CALCOCO1: variants seen among roughly 807,000 people sequenced by gnomAD.
CALCOCO1 encodes the protein calcium binding and coiled-coil domain 1, also known as calcium-binding and coiled-coil domain-containing protein 1.
Under a neutral mutation model 86.3 loss-of-function variants are expected in CALCOCO1, and 44 were observed. The ratio of observed to expected loss-of-function variants is 0.51; its 90% confidence interval spans 0.40 to 0.66. The LOEUF (loss-of-function observed/expected upper bound fraction) is 0.66. Ranked by LOEUF, CALCOCO1 falls within the 30% of genes least tolerant of loss-of-function variation. The pLI is 0.00. For synonymous variants in CALCOCO1, 297 were observed against 327.6 expected, an observed-to-expected ratio of 0.91 and a Z score of 1.01; for missense variants, 708 against 851.1, an observed-to-expected ratio of 0.83 and a Z score of 2.09.
rs1249711707 is a variant in CALCOCO1 at position 53,724,704 on chromosome 12, G to A, written c.200C>T (p.Ser67Phe). 6.2e-7 allele frequency: 1 copy of A among 1,613,988 alleles called. No individual in the cohort carries two copies. Among genetic ancestry groups the A allele is most frequent in the Admixed American group, 1.7e-5 (1 of 60,004 alleles). ...CVRDYHTFVW[S>F]SVPESTTDGS... ...ATCAGTTGTACTTTCAGGCACGGAA[G>A]ACCACACAAATGTGTGGTAATCCCG... The change falls in exon 3 of 15, where the codon TCT becomes TTT. Residue 67 changes from serine (S) to phenylalanine (F), a missense_variant. By Grantham distance (155) the Ser-to-Phe change is radical. Coordinates refer to ENST00000550804, the MANE Select transcript of CALCOCO1 (RefSeq NM_020898.3).
intron 3 of CALCOCO1, chr12:53,724,396 T>C: frequency 2.1e-6 from 1 of 484,334 alleles, no homozygotes; most frequent in Non-Finnish European, 3.8e-6. Flanking sequence ...TCCCCCATTT[T>C]TCCTTCTTTG....
chr12:53,714,484 G>A (rs541148352), intron 11 of CALCOCO1, 114 bp downstream of exon 11: 62 of 788,822 alleles, frequency 7.9e-5, no homozygotes, highest in African/African-American at 4.3e-4. Flanking sequence ...GCCAGGGTAC[G>A]GGCCCTCTTG....
At position 53,710,966 on chromosome 12, in the gene CALCOCO1, G is replaced by A. The variant is rs930674627; in HGVS notation, c.*978C>T. On this transcript the variant is annotated 3_prime_UTR_variant, in exon 15 of 15. Coordinates refer to ENST00000550804, the MANE Select transcript of CALCOCO1 (RefSeq NM_020898.3). ...TCATGGCCAGCACACCAGGAGGCAC[G>A]ACAGGACAGTAACTGCCCAGCATCC... 19 of 310,818 alleles carry A rather than the reference G, an allele frequency of 6.1e-5. No homozygotes were observed. The highest frequency in any genetic ancestry group is 2.6e-4 in the East Asian group (5 of 19,500). 19.3% of individuals were successfully genotyped at this position (310,818 alleles called of 1,614,324 possible).
rs1370275134 is a variant in CALCOCO1 at position 53,724,752 on chromosome 12, G to A, written c.157-5C>T. On this transcript the variant is annotated splice_polypyrimidine_tract_variant and splice_region_variant and intron_variant, in intron 2 of 14. Coordinates refer to ENST00000550804, the MANE Select transcript of CALCOCO1 (RefSeq NM_020898.3). ...CCGAACACAGGCAGCCTCCACCTGT[G>A]AAAGCCCAAGGTTGGAGAAAGGTAT... 3.7e-6 allele frequency: 6 copies of A among 1,608,774 alleles called. No homozygotes were observed. The South Asian group carries it at 6.7e-5, about 18-fold the overall frequency.
intron 9 of CALCOCO1, among the ~76,000 whole-genome samples, 197 bp from the exon 10 acceptor site, chr12:53,715,522 G>T (rs1945701335): frequency 6.6e-6 from 1 of 152,166 alleles, no homozygotes; most frequent in South Asian, 2.1e-4. Context: ...GCTTGATCAG[G>T]AATGGGCATT....
At position 53,722,024 on chromosome 12, in the gene CALCOCO1, C is replaced by T; in HGVS notation, c.609+1G>A. ...TGTCCCCTACCTGGCCCAGCTCCCA[C>T]CTTGTACTGTTCCATCAGCTCCGTG... is the stretch of plus-strand genomic sequence containing the variant. On this transcript the variant is annotated splice_donor_variant, in intron 5 of 14. Coordinates refer to ENST00000550804, the MANE Select transcript of CALCOCO1 (RefSeq NM_020898.3). LOFTEE classifies it high-confidence loss of function. The T allele has an allele frequency of 1.2e-6, 2 of 1,612,804 alleles. No individual in the cohort carries two copies. Among genetic ancestry groups the T allele is most frequent in the Non-Finnish European group, 1.7e-6 (2 of 1,180,016 alleles).
At position 53,715,845 on chromosome 12, in the gene CALCOCO1, TC is replaced by T; in HGVS notation, c.1207del (p.Glu403LysfsTer25). 3 of 1,614,096 alleles carry T rather than the reference TC, an allele frequency of 1.9e-6. No homozygotes were observed. The highest frequency in any genetic ancestry group is 2.5e-6 in the Non-Finnish European group (3 of 1,180,026). On this transcript the variant is annotated frameshift_variant, in exon 9 of 15. Coordinates refer to ENST00000550804, the MANE Select transcript of CALCOCO1 (RefSeq NM_020898.3). LOFTEE classifies it high-confidence loss of function. ...CTCCTTGCTCCATTGGCATTTTTCTTCCTTCAAGTGCAAACCGAGCTCAGCC... is the reference window on the plus strand; with the variant it reads ...CTCCTTGCTCCATTGGCATTTTTCTTCTTCAAGTGCAAACCGAGCTCAGCC... Reference protein sequence around the residue: ...RLAELGLHLKEEKCQWSKERA... With the variant: ...RLAELGLHLKXEKCQWSKERA...
chr12:53,722,996 C>CA (rs992800563), intron 4 of CALCOCO1: 3 of 284,214 alleles, frequency 1.1e-5, no homozygotes, highest in South Asian at 2.8e-5. Flanking sequence ...AAAAAACAAA[C>CA]AAAAAAACCC....
At chr12:53,712,636 G>C in intron 14 of CALCOCO1, 3 of 349,270 alleles carry the variant, frequency 8.6e-6, no homozygotes, top group Non-Finnish European at 1.5e-5. Flanking sequence ...CTTCCCTAAG[G>C]GTTACCCAGG....
chr12:53,721,500 T>C lies in CALCOCO1; in HGVS notation c.725A>G (p.Glu242Gly). 1 of 1,612,148 alleles carries C rather than the reference T, an allele frequency of 6.2e-7. No individual in the cohort carries two copies. The highest frequency in any genetic ancestry group is 1.3e-5 in the African/African-American group (1 of 74,888). ...CTCCACTTCCTTCGTCAGCACTTTC[T>C]CACTGATGGTCTGGATGTCATCCTC... ...ELEDDIQTIS[E>G]KVLTKEVELD... Residue 242 changes from glutamate to glycine, a missense_variant, in exon 6 of 15, where the codon GAG (glutamate) becomes GGG (glycine). Transcript: ENST00000550804.
intron 4 of CALCOCO1, among the ~76,000 whole-genome samples, chr12:53,722,567 G>T (rs1042500438): frequency 4.6e-5 from 7 of 152,108 alleles, no homozygotes; most frequent in African/African-American, 1.7e-4. Flanking sequence ...ATTTTTACTA[G>T]CTATGTGATT....
intron 1 of CALCOCO1, among the ~76,000 whole-genome samples, chr12:53,727,155 G>C (rs1208038340): frequency 2.0e-5 from 3 of 152,160 alleles, no homozygotes; most frequent in Non-Finnish European, 4.4e-5. Flanking sequence ...GAAGGGATCA[G>C]CTTTATAGAG....
intron 5 of CALCOCO1, 200 bp downstream of exon 5, chr12:53,721,825 C>T (rs1945876880): frequency 1.3e-6 from 1 of 797,944 alleles, no homozygotes; most frequent in African/African-American, 1.7e-5. Context: ...GTTCAAAGAA[C>T]TGAGTCTCAT....
At position 53,716,259 on chromosome 12, in the gene CALCOCO1, C is replaced by T. The variant is rs1043016769; in HGVS notation, c.1005+1G>A. On this transcript the variant is annotated splice_donor_variant, in intron 8 of 14. Transcript: ENST00000550804. LOFTEE classifies it high-confidence loss of function. ...TCCTGTTGCCAAGGGGCCTCACTCA[C>T]CACCCGCTGCTGGGCCTGGCCTAGG... The T allele has an allele frequency of 2.5e-6, 4 of 1,613,628 alleles. No individual in the cohort carries two copies. Among genetic ancestry groups the T allele is most frequent in the Non-Finnish European group, 3.4e-6 (4 of 1,179,860 alleles).
intron 4 of CALCOCO1, 49 bp from the exon 5 acceptor site, chr12:53,722,232 C>G (rs778411163): frequency 1.0e-5 from 16 of 1,602,802 alleles, no homozygotes; most frequent in Non-Finnish European, 1.4e-5. Context: ...AGTACCCCTT[C>G]TAAGGTCCCA....
intron 11 of CALCOCO1, 95 bp from the exon 12 acceptor site, chr12:53,714,336 C>A: frequency 1.1e-6 from 1 of 931,776 alleles, no homozygotes; most frequent in South Asian, 1.5e-5. Context: ...ACTCTTAGCT[C>A]CTCAGCATTA....
intron 7 of CALCOCO1, among the ~76,000 whole-genome samples, chr12:53,718,560 G>A (rs959163066): frequency 1.3e-5 from 2 of 151,978 alleles, no homozygotes; most frequent in Non-Finnish European, 2.9e-5. Flanking sequence ...ACAGAATCTT[G>A]CTCTGTCACC....
chr12:53,712,655 G>C (rs1945596488), intron 14 of CALCOCO1: 2 of 451,658 alleles, frequency 4.4e-6, no homozygotes, highest in Admixed American at 8.4e-5. Flanking sequence ...GGGAAGTCAG[G>C]GAAGAGGGAA....
intron 5 of CALCOCO1, 97 bp downstream of exon 5, chr12:53,721,928 G>A: frequency 7.2e-7 from 1 of 1,382,662 alleles, no homozygotes; most frequent in Non-Finnish European, 1.0e-6. Flanking sequence ...CATTGTAAAA[G>A]CCCACTAACA....
Sources: gnomAD v4.1 joint callset for allele counts (sites outside exome capture counted in the v4.1 genomes callset) on GRCh38, gnomAD v4.1.1 for gene constraint, MANE v1.5 for transcripts, NCBI Gene and HGNC (gene_info 2026-07-23, HGNC 2026-07-21) for gene names.